ZNF704: variants seen among roughly 807,000 people sequenced by gnomAD.
ZNF704 encodes the protein zinc finger protein 704, also known as glucocorticoid induced gene 1.
In ZNF704, 10 loss-of-function variants were observed where a neutral mutation model predicts 44.7. That is an observed-to-expected ratio of 0.22 (90% CI 0.14 to 0.38). The LOEUF is 0.38. Among genes scored for constraint, ZNF704 ranks in the 10% least tolerant of loss-of-function variants. ZNF704 has a pLI of 1.00. For missense variants in ZNF704, 390 were observed against 545.5 expected (o/e 0.71, Z 2.84); for synonymous variants, 211 against 207.6 (o/e 1.02, Z -0.14).
chr8:80,645,838 A>G (rs1817822369), intron 7 of ZNF704, among the ~76,000 whole-genome samples: 1 of 152,088 alleles, frequency 6.6e-6, no homozygotes, highest in South Asian at 2.1e-4. Context: ...ATTTTCCCAG[A>G]CATTAATTTT....
intron 1 of ZNF704, among the ~76,000 whole-genome samples, chr8:80,871,977 T>G (rs192098969): frequency 2.6e-5 from 4 of 152,302 alleles, no homozygotes; most frequent in African/African-American, 9.6e-5. Context: ...CATTATTCTG[T>G]TTTTACGGAT....
chr8:80,650,929 ACC>A (rs1817907178), intron 7 of ZNF704, among the ~76,000 whole-genome samples: 1 of 152,252 alleles, frequency 6.6e-6, no homozygotes, highest in East Asian at 1.9e-4. Flanking sequence ...AGGTTGGGTT[ACC>A]CACAAAGGGA....
chr8:80,884,350 A>G, the ZNF704 span, among the ~76,000 whole-genome samples: 3 of 152,108 alleles, frequency 2.0e-5, no homozygotes, highest in African/African-American at 7.2e-5. Context: ...TATAAAAGCT[A>G]TGGTGGAGCT....
intron 2 of ZNF704, among the ~76,000 whole-genome samples, chr8:80,740,103 A>C (rs79549559): frequency 0.12 from 18,544 of 152,088 alleles, 1,852 homozygotes; most frequent in African/African-American, 0.28. Context: ...CACTATCCAA[A>C]GGGTCCTAGG....
chr8:80,687,208 G>A lies in ZNF704; in HGVS notation c.558+18C>T, dbSNP rs1469615447. The stretch of plus-strand genomic sequence containing the variant: ...TTCAGGAAACTGAATGCAGAAGACC[G>A]CGTGGCTGACCACCAACCTTTCTTT... On this transcript the variant is annotated intron_variant, in intron 4 of 8. Transcript: ENST00000327835. The A allele has an allele frequency of 1.1e-5, 17 of 1,602,204 alleles. No homozygotes were observed. Among genetic ancestry groups the A allele is most frequent in the East Asian group, 4.5e-5 (2 of 44,720 alleles).
At chr8:80,667,181 G>A (rs1818208576) in intron 5 of ZNF704, among the ~76,000 whole-genome samples, 1 of 152,130 alleles carries the variant, frequency 6.6e-6, no homozygotes, top group African/African-American at 2.4e-5. Context: ...GGGACCCCAG[G>A]GAGTGACGGG....
intron 2 of ZNF704, among the ~76,000 whole-genome samples, chr8:80,735,663 C>G (rs1806653774): frequency 1.3e-5 from 2 of 152,174 alleles, no homozygotes; most frequent in Admixed American, 1.3e-4. Flanking sequence ...GGTCAAAACT[C>G]ACTTTGGTAG....
At chr8:80,828,190 A>T (rs549062000) in intron 1 of ZNF704, among the ~76,000 whole-genome samples, 1 of 152,344 alleles carries the variant, frequency 6.6e-6, no homozygotes, top group South Asian at 2.1e-4. Context: ...AGCAGTTAAG[A>T]TTTTAACAAA....
At chr8:80,787,429 A>T (rs1005877191) in intron 2 of ZNF704, among the ~76,000 whole-genome samples, 6 of 152,186 alleles carry the variant, frequency 3.9e-5, no homozygotes, top group African/African-American at 9.7e-5. Context: ...ACCCTACAAG[A>T]GTTAGGAGAT....
At chr8:80,873,233 C>T (rs1278091361) in intron 1 of ZNF704, among the ~76,000 whole-genome samples, 1 of 152,198 alleles carries the variant, frequency 6.6e-6, no homozygotes, top group African/African-American at 2.4e-5. Flanking sequence ...GGTCCCATCA[C>T]CCAAGTTCCC....
intron 1 of ZNF704, among the ~76,000 whole-genome samples, chr8:80,860,995 G>A (rs770122484): frequency 2.6e-5 from 4 of 152,120 alleles, no homozygotes; most frequent in Non-Finnish European, 5.9e-5. Context: ...AACTTGAAGT[G>A]GGTGACAAAG....
chr8:80,823,115 G>C (rs2129890911), intron 1 of ZNF704, among the ~76,000 whole-genome samples: 1 of 152,272 alleles, frequency 6.6e-6, no homozygotes, highest in African/African-American at 2.4e-5. Flanking sequence ...CACAGAGCAG[G>C]GTGGGGCATC....
chr8:80,677,721 C>G (rs909792862), intron 4 of ZNF704, among the ~76,000 whole-genome samples: 2 of 152,114 alleles, frequency 1.3e-5, no homozygotes, highest in Non-Finnish European at 2.9e-5. Flanking sequence ...CCCAGTGCCT[C>G]ACAGTGTCTG....
chr8:80,776,337 T>A (rs951830920), intron 2 of ZNF704, among the ~76,000 whole-genome samples: 1 of 152,222 alleles, frequency 6.6e-6, no homozygotes. Flanking sequence ...CACCAATGCA[T>A]GAAAATAGGA....
At chr8:80,756,104 G>A (rs536701310) in intron 2 of ZNF704, among the ~76,000 whole-genome samples, 4 of 139,268 alleles carry the variant, frequency 2.9e-5, no homozygotes, top group South Asian at 2.1e-4. Flanking sequence ...GGGAGACCTC[G>A]TCTCAAAAAA....
intron 2 of ZNF704, among the ~76,000 whole-genome samples, chr8:80,744,948 A>C (rs1465763761): frequency 6.6e-6 from 1 of 152,226 alleles, no homozygotes; most frequent in Non-Finnish European, 1.5e-5. Flanking sequence ...AATACAAAAC[A>C]AACAGAAATG....
chr8:80,647,694 T>C (rs968286313), intron 7 of ZNF704, among the ~76,000 whole-genome samples: 3 of 151,960 alleles, frequency 2.0e-5, no homozygotes, highest in South Asian at 2.1e-4. Context: ...ACAAAGAAAA[T>C]TGCATCTCTA....
intron 2 of ZNF704, among the ~76,000 whole-genome samples, chr8:80,727,959 C>T (rs1362454800): frequency 6.6e-6 from 1 of 152,070 alleles, no homozygotes; most frequent in East Asian, 1.9e-4. Flanking sequence ...TACCAAACTA[C>T]AAAGGTAACC....
At chr8:80,731,028 T>G (rs1351275468) in intron 2 of ZNF704, among the ~76,000 whole-genome samples, 1 of 152,224 alleles carries the variant, frequency 6.6e-6, no homozygotes, top group African/African-American at 2.4e-5. Context: ...GTCTAAGAGA[T>G]AATGGATTAA....
Sources: gnomAD v4.1 joint callset for allele counts (sites outside exome capture counted in the v4.1 genomes callset) on GRCh38, gnomAD v4.1.1 for gene constraint, MANE v1.5 for transcripts, NCBI Gene and HGNC (gene_info 2026-07-23, HGNC 2026-07-21) for gene names.